The following KLHL1 variants were observed in gnomAD, a reference collection of about 807,000 sequenced individuals.
KLHL1 encodes the protein kelch like family member 1, also known as kelch-like protein 1.
KLHL1 carries 47 observed loss-of-function variants against 77.7 expected under a neutral mutation model. That is an observed-to-expected ratio of 0.60 (90% confidence interval 0.48 to 0.77). The LOEUF (loss-of-function observed/expected upper bound fraction) is 0.77, where lower values mean the gene tolerates loss of function less well. KLHL1 is among the 30% of genes least tolerant of loss of function. The probability of loss-of-function intolerance (pLI) is 0.00; values close to 1 mark genes in which losing one functional copy is unlikely to be tolerated. For missense variants in KLHL1, 925 were observed against 910.8 expected, an observed-to-expected ratio of 1.02 and a Z score of -0.20; for synonymous variants, 360 against 325.2, an observed-to-expected ratio of 1.11 and a Z score of -1.15.
At chr13:69,764,767 G>A (rs947575490) in intron 7 of KLHL1, among the ~76,000 whole-genome samples, 1 of 151,792 alleles carries the variant, frequency 6.6e-6, no homozygotes, top group Non-Finnish European at 1.5e-5. Flanking sequence ...TGAATTTTAA[G>A]AAGATTCCAA....
intron 1 of KLHL1, among the ~76,000 whole-genome samples, chr13:70,042,626 C>T (rs1346376679): frequency 2.6e-5 from 4 of 152,142 alleles, no homozygotes; most frequent in Admixed American, 6.5e-5. Context: ...TTATCAAGTA[C>T]AATACATAAT....
chr13:69,902,304 C>T (rs1038290705), intron 4 of KLHL1, among the ~76,000 whole-genome samples: 8 of 152,032 alleles, frequency 5.3e-5, no homozygotes, highest in African/African-American at 1.7e-4. Flanking sequence ...AAAGGAGATT[C>T]TCATGAGGTA....
intron 5 of KLHL1, among the ~76,000 whole-genome samples, chr13:69,866,213 A>G (rs1282578215): frequency 6.6e-6 from 1 of 152,136 alleles, no homozygotes; most frequent in Non-Finnish European, 1.5e-5. Context: ...AAACCCGCAC[A>G]GCTGAGTGAA....
intron 1 of KLHL1, among the ~76,000 whole-genome samples, chr13:70,097,941 G>T (rs190683826): frequency 1.3e-5 from 2 of 150,738 alleles, no homozygotes; most frequent in African/African-American, 4.9e-5. Context: ...AATATTGTCA[G>T]ATTATTAAAT....
intron 5 of KLHL1, among the ~76,000 whole-genome samples, chr13:69,848,474 G>A (rs1317871810): frequency 4.0e-5 from 6 of 151,400 alleles, no homozygotes; most frequent in African/African-American, 1.5e-4. Context: ...GCAAAGAATT[G>A]AATCTTGAAA....
chr13:70,081,673 T>C (rs905444116), intron 1 of KLHL1, among the ~76,000 whole-genome samples: 4 of 152,052 alleles, frequency 2.6e-5, no homozygotes, highest in Non-Finnish European at 4.4e-5. Flanking sequence ...ATCAATAGAG[T>C]TTAAACAGGA....
chr13:70,053,885 T>C (rs1566535861), intron 1 of KLHL1, among the ~76,000 whole-genome samples: 2 of 152,072 alleles, frequency 1.3e-5, no homozygotes, highest in Non-Finnish European at 2.9e-5. Flanking sequence ...TACTGTCCAA[T>C]AGGGAATGCG....
At chr13:69,720,730 A>G (rs552049131) in intron 8 of KLHL1, among the ~76,000 whole-genome samples, 170 of 151,714 alleles carry the variant, frequency 1.1e-3, no homozygotes, top group African/African-American at 3.9e-3. Flanking sequence ...TGGGGAAGGA[A>G]GATTTGAGGA....
At chr13:70,009,605 G>A (rs542214113) in intron 1 of KLHL1, among the ~76,000 whole-genome samples, 136 of 152,260 alleles carry the variant, frequency 8.9e-4, no homozygotes, top group African/African-American at 3.1e-3. Flanking sequence ...TGGAAAAGAA[G>A]TATGGACGTT....
intron 8 of KLHL1, among the ~76,000 whole-genome samples, 181 bp downstream of exon 8, chr13:69,740,213 G>A (rs1332067265): frequency 6.6e-6 from 1 of 152,108 alleles, no homozygotes; most frequent in African/African-American, 2.4e-5. Flanking sequence ...TTAATGTGAA[G>A]CAATTTTGGG....
chr13:69,944,074 T>C (rs577860046), intron 3 of KLHL1, among the ~76,000 whole-genome samples: 1 of 152,340 alleles, frequency 6.6e-6, no homozygotes, highest in South Asian at 2.1e-4. Context: ...TTGTTCCAGC[T>C]GGTATTTGAG....
chr13:69,749,127 C>A (rs1260523825), intron 7 of KLHL1, among the ~76,000 whole-genome samples: 2 of 151,906 alleles, frequency 1.3e-5, no homozygotes, highest in Non-Finnish European at 2.9e-5. Flanking sequence ...GATTTCCTTG[C>A]AGAATGGGCT....
At chr13:69,788,419 C>A (rs1876676928) in intron 7 of KLHL1, among the ~76,000 whole-genome samples, 1 of 152,128 alleles carries the variant, frequency 6.6e-6, no homozygotes, top group East Asian at 1.9e-4. Flanking sequence ...GGACAAAAAA[C>A]CAAACACCAC....
At chr13:70,028,354 T>G (rs368357229) in intron 1 of KLHL1, among the ~76,000 whole-genome samples, 28 of 152,252 alleles carry the variant, frequency 1.8e-4, no homozygotes, top group South Asian at 6.2e-4. Context: ...AGTATATATA[T>G]AGACAGAGGT....
intron 5 of KLHL1, among the ~76,000 whole-genome samples, chr13:69,851,139 CTCTTT>C (rs562883202): frequency 0.094 from 2,237 of 23,910 alleles, 55 homozygotes; most frequent in African/African-American, 0.13. Flanking sequence ...AGGTAGCTGT[CTCTTT>C]TTTAAGTACT....
chr13:69,835,747 A>G (rs1285115129), intron 6 of KLHL1, among the ~76,000 whole-genome samples: 6 of 152,058 alleles, frequency 3.9e-5, no homozygotes, highest in Non-Finnish European at 7.4e-5. Context: ...TTAGAACCCA[A>G]CCTTTTAGAT....
chr13:69,870,154 T>C (rs1880524134), intron 5 of KLHL1, among the ~76,000 whole-genome samples: 1 of 152,178 alleles, frequency 6.6e-6, no homozygotes. Flanking sequence ...CTGCACACTT[T>C]ACAAGAGGCA....
At chr13:69,941,873 T>C (rs1267472407) in intron 3 of KLHL1, among the ~76,000 whole-genome samples, 1 of 151,488 alleles carries the variant, frequency 6.6e-6, no homozygotes, top group Non-Finnish European at 1.5e-5. Flanking sequence ...AGATGATGAA[T>C]AAATCCCTGG....
intron 4 of KLHL1, among the ~76,000 whole-genome samples, chr13:69,939,134 A>G (rs1883270735): frequency 6.6e-6 from 1 of 151,254 alleles, no homozygotes; most frequent in African/African-American, 2.4e-5. Context: ...CACCCATGCT[A>G]TTAAATGCTT....
Sources: gnomAD v4.1 joint callset for allele counts (sites outside exome capture counted in the v4.1 genomes callset) on GRCh38, gnomAD v4.1.1 for gene constraint, MANE v1.5 for transcripts, NCBI Gene and HGNC (gene_info 2026-07-23, HGNC 2026-07-21) for gene names.